The following FKBP11 variants were observed in gnomAD, a reference collection of about 807,000 sequenced individuals.
The protein encoded by FKBP11 is FKBP prolyl isomerase 11, also known as peptidyl-prolyl cis-trans isomerase FKBP11.
In FKBP11, 21 loss-of-function variants were observed where a neutral mutation model predicts 24.7. The ratio of observed to expected loss-of-function variants is 0.85; its 90% CI spans 0.60 to 1.23. The LOEUF (loss-of-function observed/expected upper bound fraction) is 1.23. Among genes scored for constraint, FKBP11 ranks in the 50% most tolerant of loss-of-function variants. The pLI is 0.00. For synonymous variants in FKBP11, 106 were observed against 100.6 expected (o/e 1.05, Z -0.32); for missense variants, 245 against 248.7 (o/e 0.99, Z 0.10).
At position 48,922,194 on chromosome 12, in the gene FKBP11, T is replaced by G; in HGVS notation, c.396A>C (p.Ala132=). The G allele has an allele frequency of 3.1e-6, 5 of 1,611,704 alleles. No homozygotes were observed. The highest frequency in any genetic ancestry group is 4.2e-6 in the Non-Finnish European group (5 of 1,178,246). Residue 132 remains alanine (A), a synonymous_variant, in exon 6 of 6, where the codon GCA becomes GCC. Transcript: ENST00000550765. Reference sequence around the variant, plus strand: ...TCAGCTCCACGTCATACTGCACCACTGCATCCGCTGGAGAGGCAGAGGGGT... The same window carrying G: ...TCAGCTCCACGTCATACTGCACCACGGCATCCGCTGGAGAGGCAGAGGGGT... ...RGFPPSVPAD[A]VVQYDVELIA... is the part of the protein sequence containing the mutation.
chr12:48,938,921 G>A, the FKBP11 span: 100 of 1,606,730 alleles, frequency 6.2e-5, no homozygotes, highest in African/African-American at 1.2e-3. Context: ...GGGTGGGTGG[G>A]GTGCTTTGTT....
the FKBP11 span, among the ~76,000 whole-genome samples, chr12:48,934,012 T>G: frequency 6.6e-6 from 1 of 152,142 alleles, no homozygotes; most frequent in Non-Finnish European, 1.5e-5. Context: ...CACAGCATCC[T>G]AGAAATGGAT....
the FKBP11 span, among the ~76,000 whole-genome samples, chr12:48,934,816 C>T: frequency 6.6e-6 from 1 of 151,846 alleles, no homozygotes; most frequent in Admixed American, 6.6e-5. Context: ...GAGTTCAAGA[C>T]CAGTCTCACT....
At chr12:48,931,667 C>G in the FKBP11 span, 1 of 566,060 alleles carries the variant, frequency 1.8e-6, no homozygotes, top group South Asian at 2.3e-5. Flanking sequence ...CATGGGGCAC[C>G]CACCATGCCC....
Position 48,925,114 on chromosome 12 carries a change from A to G in FKBP11, c.130-3T>C, listed in dbSNP as rs1157090417. 1.2e-6 allele frequency: 2 copies of G among 1,612,898 alleles called. No homozygotes were observed. The highest frequency in any genetic ancestry group is 1.7e-6 in the Non-Finnish European group (2 of 1,179,670). On this transcript the variant is annotated splice_polypyrimidine_tract_variant and splice_region_variant and intron_variant, in intron 1 of 5. Transcript: ENST00000550765. ...GCACATGGTTCTGGGGGCTCCACCTACGATCGGACTACAGGGGTCACGGAT... is the reference window on the plus strand; with the variant it reads ...GCACATGGTTCTGGGGGCTCCACCTGCGATCGGACTACAGGGGTCACGGAT...
At chr12:48,926,270 C>G (rs1169421187), upstream of FKBP11, 1 of 128,056 alleles carries the variant, frequency 7.8e-6, no homozygotes, top group African/African-American at 2.8e-5. Context: ...GCTCTGTGGC[C>G]CAGGCTGGAG....
intron 5 of FKBP11, chr12:48,923,208 T>C (rs542229036): frequency 1.0e-5 from 13 of 1,247,854 alleles, no homozygotes; most frequent in East Asian, 8.2e-5. Context: ...TTTTAGCTAA[T>C]AGAACATTTG....
At chr12:48,937,419 G>C in the FKBP11 span, 1 of 152,630 alleles carries the variant, frequency 6.6e-6, no homozygotes. Flanking sequence ...ACCCAGGCGA[G>C]GACCTCAGGA....
At chr12:48,924,309 C>T in intron 3 of FKBP11, 53 bp from the exon 4 acceptor site, 1 of 1,609,534 alleles carries the variant, frequency 6.2e-7, no homozygotes, top group Non-Finnish European at 8.5e-7. Flanking sequence ...CCCCAAATCC[C>T]ATGACATGAA....
chr12:48,932,483 T>C, the FKBP11 span, among the ~76,000 whole-genome samples: 3 of 151,108 alleles, frequency 2.0e-5, no homozygotes, highest in African/African-American at 4.9e-5. Context: ...TGTTTATGCA[T>C]ATATTCATCC....
the FKBP11 span, among the ~76,000 whole-genome samples, chr12:48,933,430 G>C: frequency 6.6e-6 from 1 of 152,128 alleles, no homozygotes; most frequent in Non-Finnish European, 1.5e-5. Context: ...TGCCAGGCAC[G>C]GTGGCTCATG....
the FKBP11 span, chr12:48,931,477 G>A: frequency 6.5e-7 from 1 of 1,535,756 alleles, no homozygotes; most frequent in South Asian, 1.2e-5. Flanking sequence ...GATCAAGTTA[G>A]AAGAAATCCA....
At chr12:48,926,934 C>G (rs762109868), upstream of FKBP11, among the ~76,000 whole-genome samples, 1 of 152,186 alleles carries the variant, frequency 6.6e-6, no homozygotes, top group Non-Finnish European at 1.5e-5. Flanking sequence ...CTCAGCCTCC[C>G]GAGTAGCTGG....
the FKBP11 span, among the ~76,000 whole-genome samples, chr12:48,932,186 A>G: frequency 1.2e-4 from 14 of 117,848 alleles, no homozygotes; most frequent in African/African-American, 3.9e-4. Flanking sequence ...TATATATATA[A>G]TATAAACATA....
the FKBP11 span, among the ~76,000 whole-genome samples, chr12:48,932,251 ATATATATATATTTTTTTTT>A: frequency 3.1e-4 from 12 of 39,138 alleles, no homozygotes; most frequent in Non-Finnish European, 4.7e-4. Context: ...ATATATATAT[ATATATATATATTTTTTTTT>A]TTTTTTTTTT....
At chr12:48,923,296 C>A (rs1212837780) in intron 5 of FKBP11, 26 of 1,410,324 alleles carry the variant, frequency 1.8e-5, no homozygotes, top group Admixed American at 2.9e-5. Flanking sequence ...TCGGCAGTGA[C>A]CAATGATGGC....
chr12:48,930,554 C>T (rs183600241), upstream of FKBP11, among the ~76,000 whole-genome samples: 238 of 152,176 alleles, frequency 1.6e-3, 4 homozygotes, highest in Admixed American at 0.015. Flanking sequence ...AGATATATAG[C>T]AATACAAGGG....
upstream of FKBP11, among the ~76,000 whole-genome samples, chr12:48,928,328 A>T (rs1163212086): frequency 2.0e-5 from 3 of 150,578 alleles, no homozygotes; most frequent in Non-Finnish European, 4.4e-5. Context: ...TACAGGCATC[A>T]GTCACCACGC....
At chr12:48,923,299 A>AT in intron 5 of FKBP11, 1 of 1,413,570 alleles carries the variant, frequency 7.1e-7, no homozygotes, top group South Asian at 1.6e-5. Flanking sequence ...GCAGTGACCA[A>AT]TGATGGCTTT....
Sources: gnomAD v4.1 joint callset for allele counts (sites outside exome capture counted in the v4.1 genomes callset) on GRCh38, gnomAD v4.1.1 for gene constraint, MANE v1.5 for transcripts, NCBI Gene and HGNC (gene_info 2026-07-23, HGNC 2026-07-21) for gene names.